CFAP100: variants seen among roughly 807,000 people sequenced by gnomAD.
The protein encoded by CFAP100 is cilia- and flagella-associated protein 100.
Under a neutral mutation model 81.5 loss-of-function variants are expected in CFAP100, and 70 were observed. The observed-to-expected ratio is 0.86, with a 90% CI of 0.71 to 1.05. The LOEUF (loss-of-function observed/expected upper bound fraction) is 1.05, where lower values mean the gene tolerates loss of function less well. CFAP100 is among the 50% of genes least tolerant of loss of function. The pLI, the probability that CFAP100 is intolerant of heterozygous loss-of-function variation, is 0.00. For missense variants in CFAP100, 811 were observed against 776.5 expected (o/e 1.04, Z -0.53); for synonymous variants, 341 against 314.8 (o/e 1.08, Z -0.88).
At chr3:126,406,344 C>T (rs992788513) in intron 2 of CFAP100, among the ~76,000 whole-genome samples, 17 of 152,178 alleles carry the variant, frequency 1.1e-4, no homozygotes, top group African/African-American at 3.9e-4. Context: ...TCTTCCCGCT[C>T]AGTGTTTCAC....
intron 13 of CFAP100, among the ~76,000 whole-genome samples, chr3:126,427,188 T>A (rs1932977220): frequency 6.6e-6 from 1 of 152,320 alleles, no homozygotes; most frequent in African/African-American, 2.4e-5. Flanking sequence ...ATACCCAGAA[T>A]AGCCAACACA....
intron 13 of CFAP100, among the ~76,000 whole-genome samples, chr3:126,429,575 A>T (rs1576646708): frequency 1.4e-5 from 2 of 143,744 alleles, no homozygotes; most frequent in African/African-American, 2.5e-5. Flanking sequence ...TTTTTCAGTG[A>T]TCTGCTTTGA....
chr3:126,404,954 C>T (rs1271254432), intron 2 of CFAP100, among the ~76,000 whole-genome samples: 1 of 152,198 alleles, frequency 6.6e-6, no homozygotes, highest in African/African-American at 2.4e-5. Context: ...CAGGCGTGAG[C>T]CACCACGCCC....
At chr3:126,405,093 C>T (rs2083043845) in intron 2 of CFAP100, among the ~76,000 whole-genome samples, 2 of 151,400 alleles carry the variant, frequency 1.3e-5, no homozygotes, top group Non-Finnish European at 2.9e-5. Flanking sequence ...GCGACCACCA[C>T]CATCCATCTC....
chr3:126,419,269 G>A (rs1259601460), intron 8 of CFAP100, 113 bp downstream of exon 8: 5 of 682,806 alleles, frequency 7.3e-6, no homozygotes, highest in African/African-American at 3.6e-5. Flanking sequence ...TTACCTCCCA[G>A]GGACTCTGCT....
intron 13 of CFAP100, among the ~76,000 whole-genome samples, chr3:126,429,622 G>GT (rs56249367): frequency 0.77 from 112,549 of 145,606 alleles, 43,926 homozygotes; most frequent in East Asian, 0.9. Flanking sequence ...TCTACTGTAG[G>GT]TTTTTTTTTT....
chr3:126,404,156 A>T (rs2083027949), intron 2 of CFAP100, among the ~76,000 whole-genome samples: 1 of 152,246 alleles, frequency 6.6e-6, no homozygotes, highest in South Asian at 2.1e-4. Flanking sequence ...TAATTAAGAA[A>T]TGCAGATGAA....
chr3:126,421,951 G>T (rs2083338487), intron 11 of CFAP100, among the ~76,000 whole-genome samples: 1 of 152,224 alleles, frequency 6.6e-6, no homozygotes. Context: ...CTCCGCCTAG[G>T]GCTCCCTCAG....
chr3:126,403,374 G>A (rs981395202), intron 2 of CFAP100, among the ~76,000 whole-genome samples: 42 of 139,726 alleles, frequency 3.0e-4, no homozygotes, highest in Non-Finnish European at 5.2e-4. Context: ...CCAGTCGAGT[G>A]TATTTTATCT....
At chr3:126,433,009 A>T in intron 13 of CFAP100, 60 bp from the exon 14 acceptor site, 1 of 1,595,244 alleles carries the variant, frequency 6.3e-7, no homozygotes, top group Non-Finnish European at 8.6e-7. Flanking sequence ...GGCTCAGAGA[A>T]GCGATGTGCC....
chr3:126,433,278 A>G lies in CFAP100; in HGVS notation c.1422+74A>G, dbSNP rs1438468256. The G allele has an allele frequency of 1.2e-5, 19 of 1,561,514 alleles. No individual in the cohort carries two copies. In the East Asian group the frequency reaches 2.7e-4, roughly 22 times the overall value. ...TTGGGCACCCACTGGAGGAGCCCTG[A>G]CAGCCCTTGGGAAGATGGAGGACAA... On this transcript the variant is annotated intron_variant, in intron 14 of 16. Transcript: ENST00000352312.
chr3:126,418,972 C>T, intron 7 of CFAP100, 104 bp from the exon 8 acceptor site: 1 of 974,350 alleles, frequency 1.0e-6, no homozygotes, highest in East Asian at 2.6e-5. Context: ...CTGTCCGGAG[C>T]CGGGCCCAGC....
At chr3:126,417,374 T>C (rs377151402) in intron 5 of CFAP100, among the ~76,000 whole-genome samples, 3 of 152,322 alleles carry the variant, frequency 2.0e-5, no homozygotes. Flanking sequence ...TGATGAAGTA[T>C]ATTACAAAGT....
At chr3:126,398,382 G>A (rs1418319542) in intron 2 of CFAP100, among the ~76,000 whole-genome samples, 1 of 152,322 alleles carries the variant, frequency 6.6e-6, no homozygotes, top group South Asian at 2.1e-4. Flanking sequence ...TCCTTGAGCG[G>A]CCAAATATAT....
chr3:126,432,614 C>T (rs1053958681), intron 13 of CFAP100, among the ~76,000 whole-genome samples: 1 of 151,050 alleles, frequency 6.6e-6, no homozygotes, highest in African/African-American at 2.5e-5. Context: ...TGTGTGACTC[C>T]ATTTTTATGA....
chr3:126,418,957 C>A (rs62264694), intron 7 of CFAP100, 119 bp from the exon 8 acceptor site: 1 of 985,274 alleles, frequency 1.0e-6, no homozygotes, highest in Non-Finnish European at 1.5e-6. Context: ...TGTGGCTCTC[C>A]AGCCCTGTCC....
chr3:126,397,755 A>C (rs1359077708), intron 2 of CFAP100, among the ~76,000 whole-genome samples: 1 of 152,220 alleles, frequency 6.6e-6, no homozygotes, highest in African/African-American at 2.4e-5. Context: ...AGGACTGCTG[A>C]GCTCTGTGTC....
In CFAP100 at chr3:126,419,963, C is replaced by T; in HGVS notation, c.914-17C>T. ...CTGCAGCTGAGGCCATCGGGGCCCCCCCTTTGCTTCCTGCAGGACCAGGGA... is the reference window on the plus strand; with the variant it reads ...CTGCAGCTGAGGCCATCGGGGCCCCTCCTTTGCTTCCTGCAGGACCAGGGA... On this transcript the variant is annotated splice_polypyrimidine_tract_variant and intron_variant, in intron 9 of 16. Transcript: ENST00000352312. The T allele has an allele frequency of 6.2e-7, 1 of 1,612,922 alleles. No individual in the cohort carries two copies. Among genetic ancestry groups the T allele is most frequent in the Non-Finnish European group, 8.5e-7 (1 of 1,179,892 alleles).
intron 2 of CFAP100, among the ~76,000 whole-genome samples, chr3:126,405,663 AAAAT>A (rs373212897): frequency 1.3e-5 from 2 of 151,786 alleles, no homozygotes; most frequent in African/African-American, 4.8e-5. Flanking sequence ...ATGCCATCTC[AAAAT>A]AAATAAATAA....
Sources: allele counts gnomAD v4.1 joint callset (sites outside exome capture counted in the v4.1 genomes callset), GRCh38; gene constraint gnomAD v4.1.1; transcripts MANE v1.5; gene names NCBI Gene and HGNC (gene_info 2026-07-23, HGNC 2026-07-21).